The following TMPO variants were observed in gnomAD, a reference collection of about 807,000 sequenced individuals.
The protein encoded by TMPO is thymopoietin.
A neutral mutation model predicts 45.4 loss-of-function variants in TMPO; 22 were observed. That is an observed-to-expected ratio of 0.48 (90% CI 0.35 to 0.69). The LOEUF (loss-of-function observed/expected upper bound fraction) is 0.69. TMPO is among the 30% of genes least tolerant of loss of function. The probability of loss-of-function intolerance (pLI) is 0.01; values close to 1 mark genes in which losing one functional copy is unlikely to be tolerated. For missense variants in TMPO, 512 were observed against 548.8 expected (o/e 0.93, Z 0.67); for synonymous variants, 241 against 204.1 (o/e 1.18, Z -1.54).
At position 98,515,671 on chromosome 12, in the gene TMPO, G is replaced by T; in HGVS notation, c.-197G>T. On this transcript the variant is annotated 5_prime_UTR_variant, in exon 1 of 9. Coordinates refer to ENST00000556029, the MANE Select transcript of TMPO (RefSeq NM_001032283.3). ...CCAGCTTGGCCGCAGTTGGTTCGTA[G>T]TTCGGCTCTGGGGTCTTTTGTGTCC... The T allele has an allele frequency of 2.5e-6, 3 of 1,197,148 alleles. No homozygotes were observed. The South Asian group carries it at 4.7e-5, about 19-fold the overall frequency. The allele number at this position is 1,197,148 out of a possible 1,614,324, so 74.2% of individuals were successfully genotyped here.
intron 2 of TMPO, among the ~76,000 whole-genome samples, chr12:98,530,962 T>A (rs1278073299): frequency 6.6e-6 from 1 of 152,208 alleles, no homozygotes; most frequent in Non-Finnish European, 1.5e-5. Flanking sequence ...AACCACCTGT[T>A]GTAAAAAGAG....
chr12:98,515,632 G>T lies in TMPO; in HGVS notation c.-236G>T, dbSNP rs1421374479. On this transcript the variant is annotated 5_prime_UTR_variant, in exon 1 of 9. Transcript: ENST00000556029. ...TCCTGCCTGTAGTGTGTGGGCTGGG[G>T]TTGGTGCGAGCTTCCAGCTTGGCCG... The T allele has an allele frequency of 8.2e-6, 6 of 731,756 alleles. No individual in the cohort carries two copies. The Admixed American group carries it at 1.7e-4, about 21-fold the overall frequency. The allele number at this position is 731,756 out of a possible 1,614,324, so 45.3% of individuals were successfully genotyped here. A position where few individuals can be genotyped will look rare whatever the true frequency, so the allele number is the denominator to read the frequency against.
chr12:98,533,695 T>TC (rs1304644429), intron 3 of TMPO: 2 of 1,614,176 alleles, frequency 1.2e-6, no homozygotes, highest in Non-Finnish European at 1.7e-6. Context: ...GGCTAAGCAA[T>TC]CACAGCATGA....
At chr12:98,523,035 A>G (rs575431089) in intron 1 of TMPO, among the ~76,000 whole-genome samples, 278 of 152,316 alleles carry the variant, frequency 1.8e-3, no homozygotes, top group Middle Eastern at 6.8e-3. Flanking sequence ...GTTAGAGATC[A>G]TCGGGTAGCA....
At chr12:98,534,677 C>T in intron 3 of TMPO, 1 of 1,123,264 alleles carries the variant, frequency 8.9e-7, no homozygotes, top group Non-Finnish European at 1.1e-6. Flanking sequence ...ATTTACTGTT[C>T]AATAGAATAA....
chr12:98,533,596 G>T (rs761453838), intron 3 of TMPO: 2 of 1,614,138 alleles, frequency 1.2e-6, no homozygotes, highest in South Asian at 1.1e-5. Flanking sequence ...TTCCTTTGTG[G>T]CATTTCAGAA....
At chr12:98,525,498 T>C (rs1876694692) in intron 1 of TMPO, among the ~76,000 whole-genome samples, 1 of 152,174 alleles carries the variant, frequency 6.6e-6, no homozygotes, top group South Asian at 2.1e-4. Context: ...CCTAGGACTT[T>C]GGGAGGCTCA....
chr12:98,543,444 A>T (rs1332837531), intron 4 of TMPO, among the ~76,000 whole-genome samples: 1 of 152,256 alleles, frequency 6.6e-6, no homozygotes, highest in East Asian at 1.9e-4. Context: ...GGCACATTAC[A>T]ATTTAAGAAG....
chr12:98,542,062 T>C (rs1483894851), intron 4 of TMPO, among the ~76,000 whole-genome samples: 1 of 152,250 alleles, frequency 6.6e-6, no homozygotes, highest in Non-Finnish European at 1.5e-5. Flanking sequence ...TGTTTTCAGC[T>C]GTATGTTGCT....
Position 98,515,613 on chromosome 12 carries a change from C to A in TMPO, c.-255C>A, listed in dbSNP as rs575336054. 237 of 641,558 alleles carry A rather than the reference C, an allele frequency of 3.7e-4. 3 individuals carry two copies. The highest frequency in any genetic ancestry group is 3.4e-3 in the African/African-American group (186 of 54,450). The allele number at this position is 641,558 out of a possible 1,614,324, so 39.7% of individuals were successfully genotyped here. ...GCGAAGCAGGCTGCTCGCCTCCTGC[C>A]TGTAGTGTGTGGGCTGGGGTTGGTG... On this transcript the variant is annotated 5_prime_UTR_variant, in exon 1 of 9. The change creates a new upstream start codon in the 5' untranslated region. Transcript: ENST00000556029.
chr12:98,546,560 A>G, intron 8 of TMPO, 113 bp downstream of exon 8: 2 of 852,088 alleles, frequency 2.3e-6, no homozygotes, highest in Non-Finnish European at 4.0e-6. Flanking sequence ...GTTTTTTTGG[A>G]GCCAGGTACA....
intron 3 of TMPO, chr12:98,534,638 A>G (rs1390316196): frequency 8.4e-7 from 1 of 1,191,344 alleles, no homozygotes; most frequent in African/African-American, 1.6e-5. Context: ...CTCCAAAACT[A>G]AGAAAATTCT....
In TMPO at chr12:98,516,565, CAG is replaced by C. The variant is rs563421396; in HGVS notation, c.279+422_279+423del. 4.1e-5 allele frequency: 41 copies of C among 1,006,060 alleles called. No homozygotes were observed. The African/African-American group carries it at 6.2e-4, about 15-fold the overall frequency. The allele number at this position is 1,006,060 out of a possible 1,614,324, so 62.3% of individuals were successfully genotyped here. A position where few individuals can be genotyped will look rare whatever the true frequency, so the allele number is the denominator to read the frequency against. On this transcript the variant is annotated intron_variant, in intron 1 of 8. Coordinates refer to ENST00000556029, the MANE Select transcript of TMPO (RefSeq NM_001032283.3). ...CTTTATTAACTGAAATGACTCGCAG[CAG>C]AGTCTCAGAGCGCTCCCTGGAGGGC...
At chr12:98,542,993 T>A (rs181268285) in intron 4 of TMPO, among the ~76,000 whole-genome samples, 2 of 152,342 alleles carry the variant, frequency 1.3e-5, no homozygotes, top group Admixed American at 1.3e-4. Flanking sequence ...ACCCAGAGAT[T>A]CAGATTGTGA....
At chr12:98,545,359 A>G (rs1328845033) in intron 7 of TMPO, among the ~76,000 whole-genome samples, 3 of 152,120 alleles carry the variant, frequency 2.0e-5, no homozygotes, top group Non-Finnish European at 2.9e-5. Context: ...TTTGTCATGG[A>G]TGCAAGTTTG....
intron 1 of TMPO, among the ~76,000 whole-genome samples, chr12:98,519,395 C>T (rs906974313): frequency 2.5e-4 from 38 of 152,022 alleles, no homozygotes; most frequent in Admixed American, 2.4e-3. Flanking sequence ...GAAGGGGTTT[C>T]GCCATGTTGG....
Position 98,516,119 on chromosome 12 carries a change from GGGC to G in TMPO, c.253_255del (p.Gly85del). 1 of 1,509,534 alleles carries G rather than the reference GGGC, an allele frequency of 6.6e-7. No individual in the cohort carries two copies. The highest frequency in any genetic ancestry group is 8.8e-7 in the Non-Finnish European group (1 of 1,139,082). The allele number at this position is 1,509,534 out of a possible 1,614,324, so 93.5% of individuals were successfully genotyped here. On this transcript the variant is annotated inframe_deletion, in exon 1 of 9. Transcript: ENST00000556029. ...TCCTCGGCTCTGGGGCCGCCGCCGC[GGGC>G]CGGAGCCGAGCAGCCGTCGGCAGGG... is the stretch of plus-strand genomic sequence containing the variant.
chr12:98,534,703 ATAC>A, intron 3 of TMPO: 1 of 1,080,958 alleles, frequency 9.3e-7, no homozygotes, highest in Non-Finnish European at 1.1e-6. Flanking sequence ...ATCCTCCTTT[ATAC>A]CTAGGACAGA....
rs1164017825 is a variant in TMPO at position 98,521,620 on chromosome 12, A to G, written c.279+5474A>G. On this transcript the variant is annotated intron_variant, in intron 1 of 8. Coordinates refer to ENST00000556029, the MANE Select transcript of TMPO (RefSeq NM_001032283.3). ...CTACCTAGATTGTGGACACAAAAAT[A>G]AACATTTACAGAGTTGGCAGTCTGC... is the stretch of plus-strand genomic sequence containing the variant. Among the ~76,000 whole-genome samples the G allele has an allele frequency of 3.3e-5, 5 of 152,364 alleles. No individual in the cohort carries two copies. In the East Asian group the frequency reaches 9.6e-4, roughly 29 times the overall value.
Sources: allele counts gnomAD v4.1 joint callset (sites outside exome capture counted in the v4.1 genomes callset), GRCh38; gene constraint gnomAD v4.1.1; transcripts MANE v1.5; gene names NCBI Gene and HGNC (gene_info 2026-07-23, HGNC 2026-07-21).